The following ANKRD11 variants were observed in gnomAD, a reference collection of about 807,000 sequenced individuals.
ANKRD11 encodes the protein ankyrin repeat domain-containing protein 11.
In ANKRD11, 17 loss-of-function variants were observed where a neutral mutation model predicts 195.7. The ratio of observed to expected loss-of-function variants is 0.09; its 90% CI spans 0.06 to 0.13. ANKRD11 has a LOEUF of 0.13. Among genes scored for constraint, ANKRD11 ranks in the 10% least tolerant of loss-of-function variants. The pLI, the probability that ANKRD11 is intolerant of heterozygous loss-of-function variation, is 1.00. For missense variants in ANKRD11, 3,735 were observed against 3,566.1 expected (o/e 1.05, Z -1.21); for synonymous variants, 1,953 against 1,528.1 (o/e 1.28, Z -6.49).
chr16:89,464,618 A>G (rs1319040367), intron 1 of ANKRD11, among the ~76,000 whole-genome samples: 1 of 151,484 alleles, frequency 6.6e-6, no homozygotes, highest in Non-Finnish European at 1.5e-5. Context: ...AAAAAAAAAA[A>G]AAAAAGAAAA....
Position 89,317,053 on chromosome 16 carries a change from G to C in ANKRD11, c.-34C>G. The C allele has an allele frequency of 6.3e-7, 1 of 1,599,466 alleles. No individual in the cohort carries two copies. Among genetic ancestry groups the C allele is most frequent in the Non-Finnish European group, 8.5e-7 (1 of 1,172,300 alleles). ...TCCTCACCCGATCTTCATTTACACG[G>C]CCGGCGCTTCATCATCAACCGTCTG... On this transcript the variant is annotated 5_prime_UTR_variant, in exon 3 of 13. Coordinates refer to ENST00000301030, the MANE Select transcript of ANKRD11 (RefSeq NM_013275.6).
intron 4 of ANKRD11, among the ~76,000 whole-genome samples, chr16:89,294,188 C>T (rs1056475261): frequency 6.6e-6 from 1 of 152,162 alleles, no homozygotes; most frequent in African/African-American, 2.4e-5. Flanking sequence ...GTTGGCTTCC[C>T]TTACGCGGCC....
intron 1 of ANKRD11, among the ~76,000 whole-genome samples, chr16:89,428,402 T>C (rs1303302488): frequency 2.0e-5 from 3 of 151,720 alleles, no homozygotes; most frequent in Non-Finnish European, 4.4e-5. Context: ...GGCGGGCGCC[T>C]ATAGTCCCAG....
chr16:89,452,384 G>A (rs898616876), intron 1 of ANKRD11, among the ~76,000 whole-genome samples: 10 of 152,316 alleles, frequency 6.6e-5, no homozygotes, highest in Admixed American at 2.0e-4. Flanking sequence ...CATGCCTGGT[G>A]TCCTGCCACC....
chr16:89,394,338 C>T (rs1360941254), intron 2 of ANKRD11, among the ~76,000 whole-genome samples: 1 of 152,186 alleles, frequency 6.6e-6, no homozygotes, highest in Non-Finnish European at 1.5e-5. Flanking sequence ...ATCAGAAAAA[C>T]AGCTCGTGGG....
chr16:89,334,882 G>A (rs904593145), intron 2 of ANKRD11, among the ~76,000 whole-genome samples: 6 of 152,120 alleles, frequency 3.9e-5, no homozygotes, highest in Non-Finnish European at 1.5e-5. Flanking sequence ...AGCCAGACAC[G>A]AGTGTGTCTG....
chr16:89,281,956 T>C lies in ANKRD11; in HGVS notation c.4586A>G (p.Lys1529Arg), dbSNP rs767469793. The C allele has an allele frequency of 1.2e-6, 2 of 1,612,908 alleles. No homozygotes were observed. Among genetic ancestry groups the C allele is most frequent in the Admixed American group, 1.7e-5 (1 of 60,032 alleles). ...ACCGTCCTTGAATTTCTCCTTCAGT[T>C]TGGCATCGCCGAGCCTCGGGCCCTC... ...RDEGPRLGDAKLKEKFKDGAE... is the reference protein window; with the variant it reads ...RDEGPRLGDARLKEKFKDGAE... Residue 1529 changes from lysine to arginine, a missense_variant, in exon 9 of 13, where the codon AAA (lysine) becomes AGA (arginine). Transcript: ENST00000301030. This position sits in a 1 kb window ranked among gnomAD's most constrained non-coding sequence, Gnocchi z 5.5.
intron 2 of ANKRD11, among the ~76,000 whole-genome samples, chr16:89,375,011 A>C (rs1365633366): frequency 1.3e-5 from 2 of 152,148 alleles, no homozygotes; most frequent in African/African-American, 2.4e-5. Context: ...AACTATACAC[A>C]GATTATAAAA....
chr16:89,434,395 T>G (rs1238058264), intron 1 of ANKRD11, among the ~76,000 whole-genome samples: 1 of 152,168 alleles, frequency 6.6e-6, no homozygotes, highest in Non-Finnish European at 1.5e-5. Flanking sequence ...CTCATACTCT[T>G]CTTCTCCACG....
intron 9 of ANKRD11, among the ~76,000 whole-genome samples, chr16:89,276,397 GAC>G (rs144774327): frequency 2.6e-5 from 4 of 152,128 alleles, no homozygotes; most frequent in African/African-American, 9.6e-5. Flanking sequence ...TCTCTTCCAA[GAC>G]ACACACACAC....
intron 3 of ANKRD11, among the ~76,000 whole-genome samples, chr16:89,308,944 C>T (rs147939941): frequency 1.6e-4 from 24 of 152,274 alleles, no homozygotes; most frequent in African/African-American, 5.1e-4. Flanking sequence ...GCAGATGCAG[C>T]GGGCAACCAA....
In ANKRD11 at chr16:89,283,869, G is replaced by T. The variant is rs2034459934; in HGVS notation, c.2673C>A (p.Asp891Glu). 6.2e-7 allele frequency: 1 copy of T among 1,614,172 alleles called. No individual in the cohort carries two copies. Among genetic ancestry groups the T allele is most frequent in the Non-Finnish European group, 8.5e-7 (1 of 1,180,040 alleles). The change falls in exon 9 of 13, where the codon GAC becomes GAA. Residue 891 changes from aspartate to glutamate, a missense_variant. Asp to Glu is a conservative substitution (Grantham distance 45, BLOSUM62 2). Transcript: ENST00000301030. The surrounding 1 kb of genome is among the most constrained non-coding windows in gnomAD (Gnocchi z 4.3). ...VKEDSKERRR[D>E]SRAREKRDYR... ...AGTCTCGCTTCTCCCGGGCCCGGCT[G>T]TCCCGCCTCCTCTCCTTGCTGTCCT...
At chr16:89,324,802 G>C (rs752588280) in intron 2 of ANKRD11, 4 of 288,690 alleles carry the variant, frequency 1.4e-5, no homozygotes, top group Admixed American at 1.0e-4. Flanking sequence ...CCCGACTTTT[G>C]AGGTTTGGGG....
chr16:89,280,403 C>G lies in ANKRD11; in HGVS notation c.6139G>C (p.Ala2047Pro), dbSNP rs748373867. The G allele has an allele frequency of 2.6e-6, 4 of 1,556,490 alleles. No individual in the cohort carries two copies. In the South Asian group the frequency reaches 4.8e-5, roughly 19 times the overall value. The change falls in exon 9 of 13, where the codon GCC (alanine) becomes CCC (proline). Residue 2047 changes from alanine (A) to proline (P), a missense_variant. Physicochemically the swap from Ala to Pro is conservative, Grantham distance 27 (BLOSUM62 -1). Transcript: ENST00000301030. The stretch of plus-strand genomic sequence containing the variant: ...GGAGCCGCCTCTGAGGTGGAGATGG[C>G]GGCGGGGACGGCGTCCACTCCGTCC... The part of the protein sequence containing the change: ...VKDGVDAVPA[A>P]ISTSEAAPYA...
At chr16:89,293,750 G>A (rs1351208687) in intron 4 of ANKRD11, among the ~76,000 whole-genome samples, 2 of 151,416 alleles carry the variant, frequency 1.3e-5, no homozygotes, top group African/African-American at 4.9e-5. Context: ...GAGGAGCTGG[G>A]GCGGTGTTGG....
At chr16:89,462,931 C>T (rs576472618) in intron 1 of ANKRD11, among the ~76,000 whole-genome samples, 45 of 151,734 alleles carry the variant, frequency 3.0e-4, no homozygotes, top group African/African-American at 1.1e-3. Context: ...CTGCCCCGTC[C>T]GGGAGGGAGG....
chr16:89,322,691 G>A (rs1287353016), intron 2 of ANKRD11, among the ~76,000 whole-genome samples: 1 of 152,188 alleles, frequency 6.6e-6, no homozygotes, highest in Non-Finnish European at 1.5e-5. Context: ...GGTGGGGAAG[G>A]GGGAGTGAGG....
intron 4 of ANKRD11, among the ~76,000 whole-genome samples, chr16:89,292,025 C>G (rs894394772): frequency 1.3e-5 from 2 of 152,224 alleles, no homozygotes; most frequent in African/African-American, 4.8e-5. Flanking sequence ...GACCAGTGCC[C>G]TCCTGTGGAT....
intron 2 of ANKRD11, among the ~76,000 whole-genome samples, chr16:89,332,789 A>T (rs2038134945): frequency 6.6e-6 from 1 of 152,154 alleles, no homozygotes; most frequent in Non-Finnish European, 1.5e-5. Flanking sequence ...ACCTCCAAGG[A>T]GGTTATCCTG....
Sources: allele counts gnomAD v4.1 joint callset (sites outside exome capture counted in the v4.1 genomes callset), GRCh38; gene constraint gnomAD v4.1.1; non-coding constraint Gnocchi (gnomAD v3.1); transcripts MANE v1.5; gene names NCBI Gene and HGNC (gene_info 2026-07-23, HGNC 2026-07-21).